The following GRM8 variants were observed in gnomAD, a reference collection of about 807,000 sequenced individuals.
GRM8 encodes metabotropic glutamate receptor 8.
A neutral mutation model predicts 87.2 loss-of-function variants in GRM8; 47 were observed. The observed-to-expected ratio is 0.54, with a 90% confidence interval of 0.43 to 0.69. GRM8 has a LOEUF of 0.69. GRM8 is among the 30% of genes least tolerant of loss of function. GRM8 has a pLI of 0.00. For missense variants in GRM8, 1,019 were observed against 1,139.2 expected, an observed-to-expected ratio of 0.89 and a Z score of 1.52; for synonymous variants, 396 against 404.5, an observed-to-expected ratio of 0.98 and a Z score of 0.25.
chr7:126,474,118 T>C (rs1805620937), intron 9 of GRM8, among the ~76,000 whole-genome samples: 1 of 152,208 alleles, frequency 6.6e-6, no homozygotes, highest in Admixed American at 6.5e-5. Context: ...TTTCAGTTGA[T>C]GTCCTAAAAC....
intron 8 of GRM8, among the ~76,000 whole-genome samples, chr7:126,538,798 T>G (rs925524376): frequency 6.6e-6 from 1 of 152,078 alleles, no homozygotes; most frequent in African/African-American, 2.4e-5. Flanking sequence ...ACAATCTGCA[T>G]GGGTACTTAA....
intron 6 of GRM8, among the ~76,000 whole-genome samples, chr7:126,876,663 A>C (rs1164226026): frequency 6.6e-6 from 1 of 152,212 alleles, no homozygotes; most frequent in Non-Finnish European, 1.5e-5. Flanking sequence ...CTTAGCTCAG[A>C]ATATAAACTC....
At chr7:127,067,060 C>G (rs1387399884) in intron 3 of GRM8, among the ~76,000 whole-genome samples, 1 of 152,178 alleles carries the variant, frequency 6.6e-6, no homozygotes, top group Non-Finnish European at 1.5e-5. Flanking sequence ...AGTATTCACT[C>G]TGATGTGATA....
chr7:127,106,723 AATGATGGGTCATTTCAACCC>A lies in GRM8; in HGVS notation c.511-31_511-12del, dbSNP rs778784551. 1 of 1,563,522 alleles carries A rather than the reference AATGATGGGTCATTTCAACCC, an allele frequency of 6.4e-7. No homozygotes were observed. The highest frequency in any genetic ancestry group is 8.8e-7 in the Non-Finnish European group (1 of 1,133,854). ...GCTGATTTGAGGTATCTGCAAAACA[AATGATGGGTCATTTCAACCC>A]ATGACGAATCTTGAAGAATGATGGA... On this transcript the variant is annotated splice_polypyrimidine_tract_variant and intron_variant, in intron 2 of 10. Coordinates refer to ENST00000339582, the MANE Select transcript of GRM8 (RefSeq NM_000845.3).
intron 2 of GRM8, among the ~76,000 whole-genome samples, chr7:127,187,941 G>A (rs780364438): frequency 5.9e-5 from 9 of 152,058 alleles, no homozygotes; most frequent in South Asian, 4.1e-4. Flanking sequence ...TTCCTCCACC[G>A]AACTCATTTG....
chr7:126,856,062 T>G (rs990312862), intron 6 of GRM8, among the ~76,000 whole-genome samples: 2 of 152,192 alleles, frequency 1.3e-5, no homozygotes, highest in Non-Finnish European at 2.9e-5. Flanking sequence ...ATCAGCTTTT[T>G]GTACTTCTTC....
intron 9 of GRM8, among the ~76,000 whole-genome samples, chr7:126,477,629 AAGAAAG>A (rs1806149566): frequency 6.6e-6 from 1 of 150,706 alleles, no homozygotes; most frequent in Non-Finnish European, 1.5e-5. Context: ...GAAAGAAAGA[AAGAAAG>A]AAAAAACGAA....
At chr7:127,114,194 T>C (rs1056564660) in intron 2 of GRM8, among the ~76,000 whole-genome samples, 3 of 152,158 alleles carry the variant, frequency 2.0e-5, no homozygotes, top group African/African-American at 2.4e-5. Context: ...GGAAATTCAG[T>C]CTCTGACCTT....
At chr7:127,025,177 C>T (rs1816655434) in intron 3 of GRM8, among the ~76,000 whole-genome samples, 1 of 152,050 alleles carries the variant, frequency 6.6e-6, no homozygotes, top group Non-Finnish European at 1.5e-5. Flanking sequence ...AAATATCCAT[C>T]TCAAAATTTA....
intron 3 of GRM8, chr7:127,058,210 C>T (rs767957140): frequency 2.1e-6 from 1 of 486,718 alleles, no homozygotes; most frequent in Non-Finnish European, 4.2e-6. Context: ...CATCAGCACT[C>T]CCCACAGCCT....
intron 2 of GRM8, among the ~76,000 whole-genome samples, chr7:127,220,733 C>T (rs911860525): frequency 6.6e-6 from 1 of 152,206 alleles, no homozygotes. Context: ...AAGTACTCCC[C>T]CTATCTTGGC....
At chr7:126,858,724 A>C (rs964338462) in intron 6 of GRM8, among the ~76,000 whole-genome samples, 3 of 152,040 alleles carry the variant, frequency 2.0e-5, no homozygotes, top group African/African-American at 7.2e-5. Context: ...CCTCTACTTC[A>C]TGTTCCTTGT....
chr7:126,946,294 G>A (rs1409746137), intron 3 of GRM8, among the ~76,000 whole-genome samples: 1 of 152,158 alleles, frequency 6.6e-6, no homozygotes, highest in African/African-American at 2.4e-5. Flanking sequence ...TTGAGTCCAG[G>A]AGTTCAAGAC....
At chr7:126,942,544 G>T (rs1294632879) in intron 3 of GRM8, among the ~76,000 whole-genome samples, 1 of 152,186 alleles carries the variant, frequency 6.6e-6, no homozygotes, top group Non-Finnish European at 1.5e-5. Context: ...GTGGACGTTT[G>T]CTCTGCTCCA....
chr7:126,580,414 T>C (rs980826019), intron 8 of GRM8, among the ~76,000 whole-genome samples: 1 of 152,114 alleles, frequency 6.6e-6, no homozygotes, highest in Admixed American at 6.6e-5. Flanking sequence ...ATAGTCTAGA[T>C]CCATCTAGCT....
intron 6 of GRM8, among the ~76,000 whole-genome samples, chr7:126,894,818 A>T (rs1801392756): frequency 6.6e-6 from 1 of 152,074 alleles, no homozygotes; most frequent in Admixed American, 6.6e-5. Flanking sequence ...TATCATCGTT[A>T]GGTAGCTACA....
chr7:126,561,411 G>A (rs1793679073), intron 8 of GRM8, among the ~76,000 whole-genome samples: 2 of 151,894 alleles, frequency 1.3e-5, no homozygotes, highest in South Asian at 4.2e-4. Context: ...GGAGGTTGCA[G>A]TGAGTCAAGA....
chr7:126,477,622 A>AGAAAGAAAGAAAGAAAGAAC (rs1584754541), intron 9 of GRM8, among the ~76,000 whole-genome samples: 7 of 144,006 alleles, frequency 4.9e-5, no homozygotes, highest in East Asian at 4.2e-4. Context: ...AAAGAAAGAA[A>AGAAAGAAAGAAAGAAAGAAC]GAAAGAAAGA....
At chr7:127,161,298 GA>G (rs1290996080) in intron 2 of GRM8, among the ~76,000 whole-genome samples, 1 of 152,072 alleles carries the variant, frequency 6.6e-6, no homozygotes, top group African/African-American at 2.4e-5. Flanking sequence ...TCAAGATTTA[GA>G]AAAAACAAGA....
Sources: allele counts gnomAD v4.1 joint callset (sites outside exome capture counted in the v4.1 genomes callset), GRCh38; gene constraint gnomAD v4.1.1; transcripts MANE v1.5; gene names NCBI Gene and HGNC (gene_info 2026-07-23, HGNC 2026-07-21).